Variants in BCL11A observed in about 807,000 individuals in gnomAD.
The protein encoded by BCL11A is B cell CLL/lymphoma 11A.
BCL11A carries 2 observed loss-of-function variants against 55.9 expected under a neutral mutation model. The observed-to-expected ratio is 0.04, with a 90% CI of 0.01 to 0.11. The LOEUF (loss-of-function observed/expected upper bound fraction) is 0.11. BCL11A is among the 10% of genes least tolerant of loss of function. BCL11A has a pLI of 1.00. For synonymous variants in BCL11A, 465 were observed against 473.4 expected (o/e 0.98, Z 0.23); for missense variants, 817 against 1,137.1 (o/e 0.72, Z 4.05).
rs1354128433 is a variant in BCL11A at position 60,553,280 on chromosome 2, C to A, written c.-10G>T. 3.2e-6 allele frequency: 5 copies of A among 1,570,288 alleles called. No homozygotes were observed. Among genetic ancestry groups the A allele is most frequent in the Non-Finnish European group, 4.3e-6 (5 of 1,165,702 alleles). On this transcript the variant is annotated 5_prime_UTR_variant, in exon 1 of 4. Transcript: ENST00000642384. Reference sequence around the variant, plus strand: ...GCTTGCGGCGAGACATGGTGGGCTGCGGGGCGGGCGGCGGCGGCGGCGGCG... The same window carrying A: ...GCTTGCGGCGAGACATGGTGGGCTGAGGGGCGGGCGGCGGCGGCGGCGGCG...
intron 2 of BCL11A, among the ~76,000 whole-genome samples, chr2:60,518,288 A>T (rs752847004): frequency 5.9e-5 from 9 of 152,174 alleles, no homozygotes; most frequent in African/African-American, 2.2e-4. Flanking sequence ...TAATACATAA[A>T]ACATCATAGA....
intron 2 of BCL11A, chr2:60,527,665 G>C (rs1177923711): frequency 6.6e-6 from 1 of 152,186 alleles, no homozygotes; most frequent in Admixed American, 6.5e-5. Context: ...CAAGTGAGCA[G>C]AGCTCCCATC....
intron 3 of BCL11A, 72 bp from the exon 4 acceptor site, chr2:60,462,496 T>A: frequency 6.5e-7 from 1 of 1,538,008 alleles, no homozygotes; most frequent in Non-Finnish European, 8.7e-7. Flanking sequence ...TTATTTATGT[T>A]CCACCTCCAG....
chr2:60,478,405 T>C (rs1677755514), intron 2 of BCL11A, among the ~76,000 whole-genome samples: 1 of 152,176 alleles, frequency 6.6e-6, no homozygotes, highest in Non-Finnish European at 1.5e-5. Context: ...AAACCTGTCG[T>C]CTGGACACTG....
At chr2:60,507,250 AGGGGAGGGGAGGGGAGGGGAGGGGAG>A (rs1679666439) in intron 2 of BCL11A, among the ~76,000 whole-genome samples, 1 of 1,304 alleles carries the variant, frequency 7.7e-4, no homozygotes. Flanking sequence ...GAGGGAGGGG[AGGGGAGGGGAGGGGAGGGGAGGGGAG>A]GGGAGGGGAG....
rs751968446 is a variant in BCL11A at position 60,461,277 on chromosome 2, G to A, written c.1635C>T (p.Asp545=). ...AGCTGAGCACCATGCCCTGCATGAC[G>A]TCGGGCAGGGCGCGGCTCTCGTCGC... The part of the protein sequence containing the change: ...GVGDESRALP[D]VMQGMVLSSM... The change falls in exon 4 of 4, where the codon GAC becomes GAT. Residue 545 remains aspartate, a synonymous_variant. Coordinates refer to ENST00000642384, the MANE Select transcript of BCL11A (RefSeq NM_022893.4). 3.6e-5 allele frequency: 57 copies of A among 1,605,620 alleles called. No homozygotes were observed. Among genetic ancestry groups the A allele is most frequent in the Non-Finnish European group, 4.0e-5 (47 of 1,179,480 alleles).
At chr2:60,486,014 C>CA (rs45506594) in intron 2 of BCL11A, among the ~76,000 whole-genome samples, 12,688 of 152,050 alleles carry the variant, frequency 0.083, 593 homozygotes, top group Non-Finnish European at 0.11. Flanking sequence ...ACCACACGTA[C>CA]AAAAAAAATC....
chr2:60,503,379 G>T lies in BCL11A; in HGVS notation c.386-34546C>A, dbSNP rs577413075. ...ACCCTTACCCATGCCACCCACCGCA[G>T]CCTGGACAGGCATTCCAGGAGCCAG... On this transcript the variant is annotated intron_variant, in intron 2 of 3. Transcript: ENST00000642384. 3.9e-5 allele frequency among the ~76,000 whole-genome samples: 6 copies of T among 152,322 alleles called. No homozygotes were observed. The South Asian group carries it at 1.0e-3, about 26-fold the overall frequency.
chr2:60,458,665 A>T lies in BCL11A; in HGVS notation c.*1739T>A. 1 of 1,030,102 alleles carries T rather than the reference A, an allele frequency of 9.7e-7. No homozygotes were observed. The allele number at this position is 1,030,102 out of a possible 1,614,324, so 63.8% of individuals were successfully genotyped here. On this transcript the variant is annotated 3_prime_UTR_variant, in exon 4 of 4. Coordinates refer to ENST00000642384, the MANE Select transcript of BCL11A (RefSeq NM_022893.4). ...AGATTGTGTTCAATTTTTTTTCAGC[A>T]TTCTTGCAACTTTTCCCTTAAGTAT...
chr2:60,468,833 T>A lies in BCL11A; in HGVS notation c.386A>T (p.Asp129Val). ...GICPKQEHIADKLLHWRGLSS... is the reference protein window; with the variant it reads ...GICPKQEHIAVKLLHWRGLSS... ...GAGGCCCCTCCAGTGCAGAAGTTTA[T>A]CTGTGAAAGAAACCCAAAATCAAGC... The change falls in exon 3 of 4, where the codon GAT becomes GTT. Residue 129 changes from aspartate to valine, a missense_variant and splice_region_variant. By Grantham distance (152) the Asp-to-Val change is radical (BLOSUM62 -3). Around this residue, in one of 4 missense-constraint regions of BCL11A, gnomAD observed 363 missense variants for 486.6 expected, o/e 0.75. Coordinates refer to ENST00000642384, the MANE Select transcript of BCL11A (RefSeq NM_022893.4). The A allele has an allele frequency of 1.2e-6, 2 of 1,603,684 alleles. No homozygotes were observed. Among genetic ancestry groups the A allele is most frequent in the Non-Finnish European group, 1.7e-6 (2 of 1,176,180 alleles).
intron 2 of BCL11A, among the ~76,000 whole-genome samples, chr2:60,523,620 TC>T (rs1352803071): frequency 6.6e-6 from 1 of 152,084 alleles, no homozygotes; most frequent in Non-Finnish European, 1.5e-5. Flanking sequence ...ATATGCTTTA[TC>T]TTATGATGAC....
intron 2 of BCL11A, chr2:60,484,020 G>C (rs1479052521): frequency 6.6e-6 from 1 of 152,180 alleles, no homozygotes; most frequent in East Asian, 1.9e-4. Context: ...GAGGGGTCTT[G>C]TCGAACAGCT....
At chr2:60,478,527 T>A (rs1677763820) in intron 2 of BCL11A, among the ~76,000 whole-genome samples, 1 of 152,254 alleles carries the variant, frequency 6.6e-6, no homozygotes, top group South Asian at 2.1e-4. Flanking sequence ...CCTAATACTC[T>A]GTGACAGTCT....
At chr2:60,550,468 G>A (rs1292489325) in intron 1 of BCL11A, among the ~76,000 whole-genome samples, 1 of 151,532 alleles carries the variant, frequency 6.6e-6, no homozygotes, top group African/African-American at 2.4e-5. Context: ...GGTGGGGGAG[G>A]CTCTGGTACA....
Position 60,458,868 on chromosome 2 carries a change from A to T in BCL11A, c.*1536T>A, listed in dbSNP as rs1676077179. 4 of 1,026,624 alleles carry T rather than the reference A, an allele frequency of 3.9e-6. No individual in the cohort carries two copies. Among genetic ancestry groups the T allele is most frequent in the South Asian group, 4.6e-5 (1 of 21,550 alleles). 63.6% of individuals were successfully genotyped at this position (1,026,624 alleles called of 1,614,324 possible). A position where few individuals can be genotyped will look rare whatever the true frequency, so the allele number is the denominator to read the frequency against. On this transcript the variant is annotated 3_prime_UTR_variant, in exon 4 of 4. Coordinates refer to ENST00000642384, the MANE Select transcript of BCL11A (RefSeq NM_022893.4). ...CTAGCTTAATAAAAAAGAAAAAATT[A>T]AAAAAATAAAAATAAAAACAATGAA...
intron 1 of BCL11A, among the ~76,000 whole-genome samples, chr2:60,547,862 A>G (rs1157566036): frequency 1.3e-5 from 2 of 152,204 alleles, no homozygotes; most frequent in African/African-American, 4.8e-5. Flanking sequence ...CCTGTGCTCA[A>G]GTAGGACATC....
At chr2:60,453,757 C>T (rs969860317), downstream of BCL11A, among the ~76,000 whole-genome samples, 1 of 152,218 alleles carries the variant, frequency 6.6e-6, no homozygotes, top group Admixed American at 6.5e-5. Flanking sequence ...CACAGCCCCC[C>T]TATGGGTTTA....
intron 2 of BCL11A, among the ~76,000 whole-genome samples, chr2:60,508,349 C>T (rs1462928460): frequency 2.0e-5 from 3 of 152,090 alleles, no homozygotes; most frequent in Non-Finnish European, 4.4e-5. Flanking sequence ...AGAATTACAC[C>T]CCAGGCCACA....
chr2:60,489,718 G>A (rs952184131), intron 2 of BCL11A, among the ~76,000 whole-genome samples: 7 of 152,030 alleles, frequency 4.6e-5, no homozygotes, highest in South Asian at 4.2e-4. Context: ...CTGAGCCCCC[G>A]GGCCGTTCTC....
Sources: allele counts gnomAD v4.1 joint callset (sites outside exome capture counted in the v4.1 genomes callset), GRCh38; gene constraint gnomAD v4.1.1; regional missense constraint gnomAD v4.1.1; transcripts MANE v1.5; gene names NCBI Gene and HGNC (gene_info 2026-07-23, HGNC 2026-07-21).